The following VPS13B variants were observed in gnomAD, a reference collection of about 807,000 sequenced individuals.
VPS13B encodes the protein vacuolar protein sorting 13 homolog B.
VPS13B carries 285 observed loss-of-function variants against 426.4 expected under a neutral mutation model. The observed-to-expected ratio is 0.67, with a 90% CI of 0.61 to 0.74. The LOEUF (loss-of-function observed/expected upper bound fraction) is 0.74. VPS13B is among the 30% of genes least tolerant of loss of function. The pLI is 0.00. For synonymous variants in VPS13B, 1,676 were observed against 1,676.4 expected, an observed-to-expected ratio of 1.00 and a Z score of 0.01; for missense variants, 4,537 against 4,782.6, an observed-to-expected ratio of 0.95 and a Z score of 1.51.
intron 19 of VPS13B, among the ~76,000 whole-genome samples, chr8:99,323,448 T>G (rs996290991): frequency 6.6e-6 from 1 of 152,182 alleles, no homozygotes; most frequent in Non-Finnish European, 1.5e-5. Context: ...AAGAAAGAAC[T>G]CCTTCATTTT....
chr8:99,579,849 C>T (rs912388856), intron 33 of VPS13B, among the ~76,000 whole-genome samples: 3 of 151,980 alleles, frequency 2.0e-5, no homozygotes, highest in African/African-American at 7.3e-5. Flanking sequence ...AGGTGCATGT[C>T]ACCATACCCA....
At chr8:99,057,357 G>T (rs1843937193) in intron 3 of VPS13B, among the ~76,000 whole-genome samples, 1 of 151,848 alleles carries the variant, frequency 6.6e-6, no homozygotes. Context: ...TTTATTTTTT[G>T]ATTCTCATTT....
intron 33 of VPS13B, among the ~76,000 whole-genome samples, chr8:99,582,728 T>G (rs1826125572): frequency 1.3e-5 from 2 of 152,258 alleles, no homozygotes; most frequent in Non-Finnish European, 2.9e-5. Context: ...CAATCTCGGC[T>G]CACTGCAAGC....
intron 19 of VPS13B, among the ~76,000 whole-genome samples, chr8:99,282,357 A>C (rs1260961182): frequency 2.0e-5 from 3 of 152,214 alleles, no homozygotes; most frequent in Middle Eastern, 3.2e-3. Context: ...CACATACCAC[A>C]AAGTACAATA....
chr8:99,111,449 C>T (rs887562321), intron 6 of VPS13B, among the ~76,000 whole-genome samples, 170 bp downstream of exon 6: 1 of 151,630 alleles, frequency 6.6e-6, no homozygotes, highest in African/African-American at 2.4e-5. Context: ...TGTATTTATA[C>T]ATTTCTGTAT....
chr8:99,401,247 G>A (rs547718938), intron 21 of VPS13B, among the ~76,000 whole-genome samples: 2 of 152,026 alleles, frequency 1.3e-5, no homozygotes, highest in Non-Finnish European at 1.5e-5. Context: ...CAATTTAATG[G>A]GATAGTATTG....
intron 43 of VPS13B, among the ~76,000 whole-genome samples, chr8:99,786,486 A>T (rs1235538549): frequency 6.6e-6 from 1 of 152,136 alleles, no homozygotes; most frequent in Non-Finnish European, 1.5e-5. Context: ...GAAGTTTGAA[A>T]AGAAGGGCTG....
At chr8:99,300,877 A>G (rs1461072549) in intron 19 of VPS13B, among the ~76,000 whole-genome samples, 1 of 147,408 alleles carries the variant, frequency 6.8e-6, no homozygotes, top group Non-Finnish European at 1.5e-5. Context: ...ATTATTTAAT[A>G]TAGTTTTTTT....
At position 99,573,684 on chromosome 8, in the gene VPS13B, G is replaced by A. The variant is rs189616734; in HGVS notation, c.4950-1974G>A. Among the ~76,000 whole-genome samples, 949 of 152,292 alleles carry A rather than the reference G, an allele frequency of 6.2e-3. 8 individuals are homozygous for A. Among genetic ancestry groups the A allele is most frequent in the African/African-American group, 0.021 (891 of 41,562 alleles). ...ATCTCTGTTTTGGTACCAGTACCAT[G>A]CTGTTTTGGTTACTATAGCCTTGTA... On this transcript the variant is annotated intron_variant, in intron 31 of 61. Transcript: ENST00000357162.
chr8:99,461,250 T>A (rs1344007130), intron 23 of VPS13B, among the ~76,000 whole-genome samples: 15 of 152,114 alleles, frequency 9.9e-5, no homozygotes, highest in Admixed American at 9.8e-4. Flanking sequence ...CAATGCATTA[T>A]GACCTATGCA....
At chr8:99,520,843 C>A (rs957272564) in intron 29 of VPS13B, 56 bp from the exon 30 acceptor site, 2 of 1,388,162 alleles carry the variant, frequency 1.4e-6, no homozygotes, top group African/African-American at 1.4e-5. Flanking sequence ...TCTCCTTATG[C>A]ATAAAGTTAT....
intron 35 of VPS13B, among the ~76,000 whole-genome samples, chr8:99,688,624 A>G (rs536602717): frequency 3.9e-5 from 6 of 152,178 alleles, no homozygotes; most frequent in Non-Finnish European, 8.8e-5. Flanking sequence ...GTGAGAGTTC[A>G]GGAGAAAATG....
rs1340382962 is a variant in VPS13B, at chr8:99,458,516, C to T, written c.3446-8898C>T. On this transcript the variant is annotated intron_variant, in intron 23 of 61. Coordinates refer to ENST00000357162, the MANE Select transcript of VPS13B (RefSeq NM_152564.5). ...CACACTGACTTCCACAATGGTTGAA[C>T]TAGTTTACAGTCCCACCAACAGTGT... 9.2e-5 allele frequency among the ~76,000 whole-genome samples: 14 copies of T among 152,222 alleles called. No homozygotes were observed. In the East Asian group the frequency reaches 2.7e-3, roughly 29 times the overall value.
intron 3 of VPS13B, among the ~76,000 whole-genome samples, chr8:99,088,362 T>C (rs188183521): frequency 1.8e-3 from 274 of 152,278 alleles, no homozygotes; most frequent in African/African-American, 6.4e-3. Flanking sequence ...ATTAGCATCA[T>C]TTTGCAATGT....
chr8:99,160,351 A>C (rs1811579479), intron 15 of VPS13B, among the ~76,000 whole-genome samples: 1 of 152,214 alleles, frequency 6.6e-6, no homozygotes, highest in Admixed American at 6.5e-5. Flanking sequence ...GAAAACTATA[A>C]AAAGTTGAAT....
chr8:99,349,287 T>G (rs967924581), intron 19 of VPS13B, among the ~76,000 whole-genome samples: 9 of 116,912 alleles, frequency 7.7e-5, no homozygotes, highest in Non-Finnish European at 1.5e-4. Flanking sequence ...GAGCCGAGAT[T>G]GCGCCACTGC....
At position 99,871,630 on chromosome 8, in the gene VPS13B, A is replaced by T; in HGVS notation, c.11678A>T (p.Gln3893Leu). Residue 3893 changes from glutamine (Q) to leucine (L), a missense_variant, in exon 61 of 62, where the codon CAG becomes CTG. Gln to Leu is a moderately radical substitution (Grantham distance 113). Transcript: ENST00000357162. The stretch of plus-strand genomic sequence containing the variant: ...CCCGTCACAGAAATCGACTGTGCAC[A>T]GGACAGCAAGCAGAACAACTTACTC... ...AFPVTEIDCA[Q>L]DSKQNNLLTV... 1 of 1,614,216 alleles carries T rather than the reference A, an allele frequency of 6.2e-7. No homozygotes were observed. Among genetic ancestry groups the T allele is most frequent in the Non-Finnish European group, 8.5e-7 (1 of 1,180,044 alleles).
chr8:99,327,339 G>T (rs1455847764), intron 19 of VPS13B, among the ~76,000 whole-genome samples: 2 of 152,070 alleles, frequency 1.3e-5, no homozygotes, highest in Non-Finnish European at 1.5e-5. Context: ...CTTTCAAAAT[G>T]GAATTTACAT....
intron 20 of VPS13B, among the ~76,000 whole-genome samples, chr8:99,384,781 G>A (rs1814023289): frequency 6.6e-6 from 1 of 152,210 alleles, no homozygotes; most frequent in African/African-American, 2.4e-5. Flanking sequence ...CCGAGTTCAA[G>A]TGATTCTTGT....
Sources: gnomAD v4.1 joint callset for allele counts (sites outside exome capture counted in the v4.1 genomes callset) on GRCh38, gnomAD v4.1.1 for gene constraint, MANE v1.5 for transcripts, NCBI Gene and HGNC (gene_info 2026-07-23, HGNC 2026-07-21) for gene names.